PLD4: variants seen among roughly 807,000 people sequenced by gnomAD.
The protein encoded by PLD4 is phospholipase D family member 4.
Under a neutral mutation model 52.3 loss-of-function variants are expected in PLD4, and 54 were observed. The ratio of observed to expected loss-of-function variants is 1.03; its 90% CI spans 0.83 to 1.30. PLD4 has a LOEUF of 1.30. Ranked by LOEUF, PLD4 falls within the 50% of genes most tolerant of loss-of-function variation. PLD4 has a pLI of 0.00. For synonymous variants in PLD4, 264 were observed against 286.5 expected (o/e 0.92, Z 0.79); for missense variants, 731 against 671.1 (o/e 1.09, Z -0.99).
rs1260594559 is a variant in PLD4 at position 104,927,729 on chromosome 14, C to T, written c.147C>T (p.Cys49=). 6 of 1,598,256 alleles carry T rather than the reference C, an allele frequency of 3.8e-6. No individual in the cohort carries two copies. Among genetic ancestry groups the T allele is most frequent in the Non-Finnish European group, 5.1e-6 (6 of 1,176,148 alleles). The part of the protein sequence containing the change: ...VLWLGSVALI[C]LLWQVPRPPT... ...GGCTGGGCTCCGTGGCTCTTATCTG[C>T]CTCCTGTGGCAAGTGCCCCGTCCTC... Residue 49 remains cysteine (C), a synonymous_variant, in exon 3 of 11, where the codon TGC becomes TGT. Transcript: ENST00000392593.
Position 104,927,672 on chromosome 14 carries a change from G to T in PLD4, c.91-1G>T. On this transcript the variant is annotated splice_acceptor_variant, in intron 2 of 10. Coordinates refer to ENST00000392593, the MANE Select transcript of PLD4 (RefSeq NM_138790.5). LOFTEE classifies it high-confidence loss of function. Reference sequence around the variant, plus strand: ...GACCCTGCGGGTGCTGCCCCATCCAGTTGCAGGTCCTGGGAGCGCTGGCTG... The same window carrying T: ...GACCCTGCGGGTGCTGCCCCATCCATTTGCAGGTCCTGGGAGCGCTGGCTG... The T allele has an allele frequency of 6.3e-7, 1 of 1,585,572 alleles. No individual in the cohort carries two copies. The highest frequency in any genetic ancestry group is 1.7e-5 in the Admixed American group (1 of 57,662).
At chr14:104,929,106 G>C in intron 4 of PLD4, 174 bp downstream of exon 4, 1 of 1,183,912 alleles carries the variant, frequency 8.4e-7, no homozygotes, top group Non-Finnish European at 1.2e-6. Flanking sequence ...GAGGTGTCAA[G>C]GAGCTGGGCC....
At chr14:104,933,589 T>C (rs1021692976), downstream of PLD4, 2 of 136,954 alleles carry the variant, frequency 1.5e-5, no homozygotes, top group Non-Finnish European at 1.6e-5. Flanking sequence ...GGGCAGCTCC[T>C]ACGGCGCCGG....
At chr14:104,934,841 A>T (rs1897774124), downstream of PLD4, 1 of 152,212 alleles carries the variant, frequency 6.6e-6, no homozygotes. Flanking sequence ...TACTTCCCCC[A>T]TCTAAAGGAC....
chr14:104,925,881 C>A (rs982470502), intron 1 of PLD4, among the ~76,000 whole-genome samples: 1 of 152,038 alleles, frequency 6.6e-6, no homozygotes, highest in Non-Finnish European at 1.5e-5. Context: ...TGGCCTGAGT[C>A]CCCTGTCCCC....
chr14:104,934,155 G>A (rs1458632703), downstream of PLD4: 12 of 165,362 alleles, frequency 7.3e-5, no homozygotes, highest in African/African-American at 2.9e-4. Context: ...AGGCGGGCGA[G>A]GGTAGGGGTG....
At position 104,927,971 on chromosome 14, in the gene PLD4, G is replaced by T. The variant is rs575860850; in HGVS notation, c.284+105G>T. On this transcript the variant is annotated intron_variant, in intron 3 of 10. Transcript: ENST00000392593. ...GTGAGATAAGGGGGGCCCTCTACCA[G>T]CTCCTCCAGGAAGGTGCAGGTCACC... 35 of 1,287,736 alleles carry T rather than the reference G, an allele frequency of 2.7e-5. No homozygotes were observed. In the South Asian group the frequency reaches 4.9e-4, roughly 18 times the overall value. The allele number at this position is 1,287,736 out of a possible 1,614,324, so 79.8% of individuals were successfully genotyped here.
downstream of PLD4, chr14:104,933,889 A>G (rs930362084): frequency 9.5e-5 from 1 of 10,484 alleles, no homozygotes; most frequent in Non-Finnish European, 1.6e-4. Flanking sequence ...GGAGGGCGGG[A>G]GGGGAGCGGG....
rs1331027176 is a variant in PLD4 at position 104,932,366 on chromosome 14, T to A, written c.1321+11T>A. Reference sequence around the variant, plus strand: ...AGGCAGCCTACATAGGTGAGCGCGATCAGATCACGGCGGGCGGGCCCCAGG... The same window carrying A: ...AGGCAGCCTACATAGGTGAGCGCGAACAGATCACGGCGGGCGGGCCCCAGG... On this transcript the variant is annotated intron_variant, in intron 10 of 10. Transcript: ENST00000392593. The surrounding 1 kb of genome is among the most constrained non-coding windows in gnomAD (Gnocchi z 6.5). The A allele has an allele frequency of 6.2e-7, 1 of 1,611,802 alleles. No individual in the cohort carries two copies. Among genetic ancestry groups the A allele is most frequent in the African/African-American group, 1.3e-5 (1 of 74,882 alleles).
downstream of PLD4, chr14:104,935,973 G>A (rs1254492056): frequency 2.6e-5 from 4 of 152,224 alleles, no homozygotes; most frequent in South Asian, 8.3e-4. Context: ...TTGGGCTCCT[G>A]ATCCACAGAA....
chr14:104,925,819 C>G (rs1897436828), intron 1 of PLD4, among the ~76,000 whole-genome samples: 1 of 152,022 alleles, frequency 6.6e-6, no homozygotes, highest in African/African-American at 2.4e-5. Flanking sequence ...GGGCGGCACC[C>G]ACCCACCTCT....
intron 7 of PLD4, 108 bp from the exon 8 acceptor site, chr14:104,931,640 C>A: frequency 4.3e-6 from 6 of 1,401,182 alleles, no homozygotes; most frequent in Non-Finnish European, 5.6e-6. Context: ...GGCACCTGGG[C>A]CCCCTCCCTC....
Position 104,931,880 on chromosome 14 carries a change from C to G in PLD4, c.1051C>G (p.Pro351Ala), listed in dbSNP as rs1329315436. The G allele has an allele frequency of 6.5e-7, 1 of 1,538,724 alleles. No homozygotes were observed. The highest frequency in any genetic ancestry group is 1.9e-5 in the Admixed American group (1 of 52,544). ...TTTCCCCACCACGCGCTTCAGCCAC[C>G]CCCCGAGGTAGGTCTGAGTGGGAGG... ...EYFPTTRFSH[P>A]PRYWPVLDNA... Residue 351 changes from proline (P) to alanine (A), a missense_variant, in exon 8 of 11, where the codon CCC becomes GCC. Transcript: ENST00000392593.
intron 2 of PLD4, 76 bp downstream of exon 2, chr14:104,927,306 G>A: frequency 1.6e-6 from 2 of 1,285,702 alleles, no homozygotes; most frequent in Non-Finnish European, 2.1e-6. Context: ...GAGTGGAGAG[G>A]TCACAAGCAG....
At chr14:104,926,073 G>C (rs969243585) in intron 1 of PLD4, among the ~76,000 whole-genome samples, 1 of 152,144 alleles carries the variant, frequency 6.6e-6, no homozygotes, top group Non-Finnish European at 1.5e-5. Flanking sequence ...CAGAGGCCTG[G>C]AGGCTGAGCT....
At chr14:104,926,002 G>A (rs776773387) in intron 1 of PLD4, among the ~76,000 whole-genome samples, 28 of 152,150 alleles carry the variant, frequency 1.8e-4, no homozygotes, top group Non-Finnish European at 3.4e-4. Flanking sequence ...CCCATGCTGA[G>A]GCAGGCCAGG....
chr14:104,927,724 A>G lies in PLD4; in HGVS notation c.142A>G (p.Ile48Val), dbSNP rs1395696981. 6.3e-7 allele frequency: 1 copy of G among 1,597,312 alleles called. No homozygotes were observed. Among genetic ancestry groups the G allele is most frequent in the East Asian group, 2.3e-5 (1 of 44,418 alleles). ...AVLWLGSVAL[I>V]CLLWQVPRPP... ...GCTGTGGCTGGGCTCCGTGGCTCTT[A>G]TCTGCCTCCTGTGGCAAGTGCCCCG... is the stretch of plus-strand genomic sequence containing the variant. The change falls in exon 3 of 11, where the codon ATC (isoleucine) becomes GTC (valine). Residue 48 changes from isoleucine (I) to valine (V), a missense_variant. Ile to Val is a conservative substitution (Grantham distance 29). Transcript: ENST00000392593.
In PLD4 at chr14:104,930,055, C is replaced by CA. The variant is rs776725991; in HGVS notation, c.667_668insA (p.Arg223GlnfsTer27). 64 of 1,613,484 alleles carry CA rather than the reference C, an allele frequency of 4.0e-5. No individual in the cohort carries two copies. The highest frequency in any genetic ancestry group is 5.3e-5 in the Non-Finnish European group (63 of 1,179,974). ...CTCCAAATTCTGGGTTGTGGATGGA[C>CA]GGCACATATACATGGGCAGTGCCAA... On this transcript the variant is annotated frameshift_variant, in exon 6 of 11. Coordinates refer to ENST00000392593, the MANE Select transcript of PLD4 (RefSeq NM_138790.5). LOFTEE classifies it high-confidence loss of function.
chr14:104,929,518 G>A, intron 5 of PLD4, 91 bp downstream of exon 5: 1 of 1,458,996 alleles, frequency 6.9e-7, no homozygotes, highest in Non-Finnish European at 9.1e-7. Context: ...AGAAGTGAGG[G>A]TGGGAAAGGT....
Sources: gnomAD v4.1 joint callset for allele counts (sites outside exome capture counted in the v4.1 genomes callset) on GRCh38, gnomAD v4.1.1 for gene constraint, Gnocchi (gnomAD v3.1) non-coding constraint, MANE v1.5 for transcripts, NCBI Gene and HGNC (gene_info 2026-07-23, HGNC 2026-07-21) for gene names.